The following RANBP2 variants were observed in gnomAD, a reference collection of about 807,000 sequenced individuals.
The protein encoded by RANBP2 is RAN binding protein 2, also known as E3 SUMO-protein ligase RanBP2.
In RANBP2, 57 loss-of-function variants were observed where a neutral mutation model predicts 303.6. That is an observed-to-expected ratio of 0.19 (90% confidence interval 0.15 to 0.23). RANBP2 has a LOEUF of 0.23. Among genes scored for constraint, RANBP2 ranks in the 10% least tolerant of loss-of-function variants. RANBP2 has a pLI of 1.00. For synonymous variants in RANBP2, 1,167 were observed against 1,301.5 expected, an observed-to-expected ratio of 0.90 and a Z score of 2.23; for missense variants, 3,138 against 3,780.8, an observed-to-expected ratio of 0.83 and a Z score of 4.46.
chr2:109,156,908 A>T, the RANBP2 span, among the ~76,000 whole-genome samples: 1 of 152,202 alleles, frequency 6.6e-6, no homozygotes, highest in African/African-American at 2.4e-5. Context: ...GAGGCAGTTA[A>T]TGCTTTCTTT....
the RANBP2 span, among the ~76,000 whole-genome samples, chr2:109,111,682 G>T: frequency 1.3e-5 from 2 of 149,396 alleles, no homozygotes; most frequent in East Asian, 2.0e-4. Context: ...TGCACAATGT[G>T]CAGGTTAGTT....
chr2:108,788,959 G>A (rs753505620), downstream of RANBP2: 4 of 1,613,882 alleles, frequency 2.5e-6, no homozygotes, highest in African/African-American at 5.3e-5. Flanking sequence ...GCACGTAAAT[G>A]TGAATTGGTA....
At chr2:109,025,806 A>G in the RANBP2 span, among the ~76,000 whole-genome samples, 2 of 149,840 alleles carry the variant, frequency 1.3e-5, no homozygotes, top group Non-Finnish European at 2.9e-5. Flanking sequence ...TCGAAAAAAA[A>G]AAAAAAAGAA....
At chr2:109,021,374 G>T in the RANBP2 span, among the ~76,000 whole-genome samples, 15 of 152,042 alleles carry the variant, frequency 9.9e-5, no homozygotes, top group Non-Finnish European at 1.9e-4. Flanking sequence ...ATACAAAAAA[G>T]TAGCCGGGCG....
chr2:109,109,462 A>C, the RANBP2 span, among the ~76,000 whole-genome samples: 8 of 152,348 alleles, frequency 5.3e-5, no homozygotes, highest in Admixed American at 2.0e-4. Context: ...ATTTAATTAT[A>C]GATAACATAG....
In RANBP2 at chr2:108,771,715, A is replaced by C. The variant is rs749548826; in HGVS notation, c.7864A>C (p.Lys2622Gln). The C allele has an allele frequency of 2.2e-5, 35 of 1,613,056 alleles. No homozygotes were observed. The highest frequency in any genetic ancestry group is 1.2e-4 in the Admixed American group (7 of 59,996). ...KTPEKAKEKK[K>Q]PEDSPSDDDV... is the part of the protein sequence containing the mutation. Reference sequence around the variant, plus strand: ...TGGTGTTACAGCAAAAGAGAAGAAAAAACCTGAAGATTCTCCCTCAGATGA... The same window carrying C: ...TGGTGTTACAGCAAAAGAGAAGAAACAACCTGAAGATTCTCCCTCAGATGA... The change falls in exon 21 of 29, where the codon AAA becomes CAA. Residue 2622 changes from lysine (K) to glutamine (Q), a missense_variant. By Grantham distance (53) the Lys-to-Gln change is moderately conservative. This residue lies in a region of RANBP2 where 497 missense variants were observed against 465.8 expected (regional missense o/e 1.07). Coordinates refer to ENST00000283195, the MANE Select transcript of RANBP2 (RefSeq NM_006267.5).
At chr2:109,111,236 AC>A in the RANBP2 span, among the ~76,000 whole-genome samples, 5 of 152,180 alleles carry the variant, frequency 3.3e-5, no homozygotes, top group Non-Finnish European at 7.3e-5. Flanking sequence ...ACTCTGCCAC[AC>A]ACAATAATTC....
Position 108,766,267 on chromosome 2 carries a change from A to C in RANBP2, c.5728A>C (p.Lys1910Gln). ...CATTTCGGAACCAGGAAATCAAGAA[A>C]AGAAAAGTGAAAAGCCTCTTGAAAA... The part of the protein sequence containing the change: ...FGISEPGNQE[K>Q]KSEKPLENGT... Residue 1910 changes from lysine (K) to glutamine (Q), a missense_variant, in exon 20 of 29, where the codon AAG (lysine) becomes CAG (glutamine). Around this residue, in one of 20 missense-constraint regions of RANBP2, gnomAD observed 348 missense variants for 360.4 expected, o/e 0.97. Transcript: ENST00000283195. 2.5e-6 allele frequency: 4 copies of C among 1,612,126 alleles called. No individual in the cohort carries two copies. The highest frequency in any genetic ancestry group is 3.4e-6 in the Non-Finnish European group (4 of 1,179,952).
the RANBP2 span, among the ~76,000 whole-genome samples, chr2:109,095,659 A>G: frequency 6.6e-6 from 1 of 152,218 alleles, no homozygotes; most frequent in Non-Finnish European, 1.5e-5. Flanking sequence ...ATTGGGGCCC[A>G]TGTGTCCAAA....
At chr2:108,938,786 T>TCCCCCCCCCCCCCC in the RANBP2 span, among the ~76,000 whole-genome samples, 1 of 130,686 alleles carries the variant, frequency 7.7e-6, no homozygotes, top group Non-Finnish European at 1.6e-5. Context: ...TAGGACTTCT[T>TCCCCCCCCCCCCCC]CCCCCCCCGC....
the RANBP2 span, among the ~76,000 whole-genome samples, chr2:109,135,674 G>C: frequency 1.3e-5 from 2 of 151,930 alleles, no homozygotes; most frequent in Admixed American, 6.6e-5. Flanking sequence ...GCATGGGGGG[G>C]TGTGTGTGTG....
chr2:109,615,372 G>A, the RANBP2 span: 1 of 1,613,000 alleles, frequency 6.2e-7, no homozygotes, highest in Non-Finnish European at 8.5e-7. Flanking sequence ...CGGCCTGCTG[G>A]TCAAGCGGGA....
At chr2:109,531,825 C>T in the RANBP2 span, among the ~76,000 whole-genome samples, 2 of 152,166 alleles carry the variant, frequency 1.3e-5, no homozygotes, top group Non-Finnish European at 1.5e-5. Context: ...CAACAGATGG[C>T]GGAATCGAGG....
chr2:108,941,424 C>G, the RANBP2 span, among the ~76,000 whole-genome samples: 2 of 152,150 alleles, frequency 1.3e-5, no homozygotes, highest in South Asian at 4.1e-4. Context: ...AGCCTTCCTC[C>G]CAGTCACCAG....
chr2:108,875,337 G>T, the RANBP2 span, among the ~76,000 whole-genome samples: 1 of 132,836 alleles, frequency 7.5e-6, no homozygotes, highest in Admixed American at 8.4e-5. Context: ...AAAAAAAAAA[G>T]AAACAAATTC....
chr2:109,132,011 C>A, the RANBP2 span, among the ~76,000 whole-genome samples: 81 of 152,320 alleles, frequency 5.3e-4, 1 homozygote, highest in African/African-American at 1.6e-3. Context: ...AGGCATTGAG[C>A]AACCCTATAC....
At chr2:109,343,832 A>G in the RANBP2 span, among the ~76,000 whole-genome samples, 5 of 150,604 alleles carry the variant, frequency 3.3e-5, no homozygotes, top group African/African-American at 1.2e-4. Flanking sequence ...GCAGCCTCGA[A>G]CTCCCAGGCT....
At chr2:109,747,457 C>T in the RANBP2 span, among the ~76,000 whole-genome samples, 4 of 147,276 alleles carry the variant, frequency 2.7e-5, no homozygotes, top group Non-Finnish European at 4.5e-5. Context: ...TGTTCAAGGA[C>T]GACTTTGCCC....
the RANBP2 span, among the ~76,000 whole-genome samples, chr2:109,446,570 GGTGGTATCTGA>G: frequency 2.4e-4 from 37 of 152,166 alleles, no homozygotes; most frequent in African/African-American, 8.4e-4. Flanking sequence ...GTCTCTAGAA[GGTGGTATCTGA>G]GCCTTCCAGG....
Sources: allele counts gnomAD v4.1 joint callset (sites outside exome capture counted in the v4.1 genomes callset), GRCh38; gene constraint gnomAD v4.1.1; regional missense constraint gnomAD v4.1.1; transcripts MANE v1.5; gene names NCBI Gene and HGNC (gene_info 2026-07-23, HGNC 2026-07-21).